The following PCDH1 variants were observed in gnomAD, a reference collection of about 807,000 sequenced individuals.
PCDH1 encodes protocadherin 1.
Under a neutral mutation model 74.6 loss-of-function variants are expected in PCDH1, and 23 were observed. The ratio of observed to expected loss-of-function variants is 0.31; its 90% confidence interval spans 0.22 to 0.44. The LOEUF (loss-of-function observed/expected upper bound fraction) is 0.44. PCDH1 is among the 20% of genes least tolerant of loss of function. The pLI is 1.00. For missense variants in PCDH1, 1,214 were observed against 1,641.4 expected (o/e 0.74, Z 4.50); for synonymous variants, 647 against 686.1 (o/e 0.94, Z 0.89).
chr5:141,856,371 CGGGAGGT>C, intron 4 of PCDH1: 1 of 52,788 alleles, frequency 1.9e-5, no homozygotes, highest in Non-Finnish European at 3.8e-5. Flanking sequence ...GACAAGGGCC[CGGGAGGT>C]TAGACAAGGG....
chr5:141,856,410 G>T, intron 4 of PCDH1: 1 of 804,832 alleles, frequency 1.2e-6, no homozygotes, highest in African/African-American at 1.7e-5. Flanking sequence ...AGGCAGGGGA[G>T]TGAAACCTCC....
At chr5:141,856,203 C>T (rs1335586520) in intron 4 of PCDH1, 2 of 1,535,412 alleles carry the variant, frequency 1.3e-6, no homozygotes, top group Admixed American at 2.0e-5. Flanking sequence ...GACCCCAGAC[C>T]CCAGAGCAGT....
intron 1 of PCDH1, among the ~76,000 whole-genome samples, chr5:141,871,530 C>T (rs1283559071): frequency 6.6e-6 from 1 of 152,204 alleles, no homozygotes; most frequent in African/African-American, 2.4e-5. Flanking sequence ...AGTTTCCTTA[C>T]CTGTAAAATG....
chr5:141,867,745 AAG>A lies in PCDH1; in HGVS notation c.903+822_903+823del, dbSNP rs953700929. 10 of 371,492 alleles carry A rather than the reference AAG, an allele frequency of 2.7e-5. No homozygotes were observed. The Admixed American group carries it at 3.0e-4, about 11-fold the overall frequency. 23.0% of individuals were successfully genotyped at this position (371,492 alleles called of 1,614,324 possible). A position where few individuals can be genotyped will look rare whatever the true frequency, so the allele number is the denominator to read the frequency against. On this transcript the variant is annotated intron_variant, in intron 2 of 4. Coordinates refer to ENST00000287008, the MANE Select transcript of PCDH1 (RefSeq NM_032420.5). ...GAGCCTCCTCAGCTCCCTCACATCA[AAG>A]AGAGAGGCATCTTCAGCCCATGGGG...
rs1470894069 is a variant in PCDH1 at position 141,865,526 on chromosome 5, C to T, written c.904-99G>A. The T allele has an allele frequency of 3.0e-6, 4 of 1,337,874 alleles. No homozygotes were observed. Among genetic ancestry groups the T allele is most frequent in the Non-Finnish European group, 4.1e-6 (4 of 971,264 alleles). The allele number at this position is 1,337,874 out of a possible 1,614,324, so 82.9% of individuals were successfully genotyped here. Reference sequence around the variant, plus strand: ...TGCTGCCAATGTCCTTTCCAACAAGCATGGCAGACACAGCCAATCCAACAT... The same window carrying T: ...TGCTGCCAATGTCCTTTCCAACAAGTATGGCAGACACAGCCAATCCAACAT... On this transcript the variant is annotated intron_variant, in intron 2 of 4. Transcript: ENST00000287008. The surrounding 1 kb of genome is among the most constrained non-coding windows in gnomAD (Gnocchi z 4.4).
intron 1 of PCDH1, among the ~76,000 whole-genome samples, chr5:141,871,778 A>C (rs1172115853): frequency 1.3e-5 from 2 of 151,972 alleles, no homozygotes; most frequent in African/African-American, 4.8e-5. Flanking sequence ...GGCACTTGGC[A>C]GCTCTTGAAT....
In PCDH1 at chr5:141,878,174, C is replaced by T. The variant is rs1348647000; in HGVS notation, c.40+49G>A. ...TCCCTCAGCTCCCGCCGGCCATGAC[C>T]GCTTCGGGCCCCAAGCCGCTGCTGC... is the stretch of plus-strand genomic sequence containing the variant. On this transcript the variant is annotated intron_variant, in intron 1 of 4. Transcript: ENST00000287008. The surrounding 1 kb of genome is among the most constrained non-coding windows in gnomAD (Gnocchi z 5.5). 10 of 1,424,632 alleles carry T rather than the reference C, an allele frequency of 7.0e-6. No homozygotes were observed. The East Asian group carries it at 2.8e-4, about 40-fold the overall frequency. 88.2% of individuals were successfully genotyped at this position (1,424,632 alleles called of 1,614,324 possible). A position where few individuals can be genotyped will look rare whatever the true frequency, so the allele number is the denominator to read the frequency against.
Position 141,869,756 on chromosome 5 carries a change from C to T in PCDH1, c.41-325G>A, listed in dbSNP as rs1388816981. ...GCTGCCCGCCCTCTTTCCTTCTTTT[C>T]CTCCTTGCTCTCTGCTCTGTGCTTC... is the stretch of plus-strand genomic sequence containing the variant. On this transcript the variant is annotated intron_variant, in intron 1 of 4. Transcript: ENST00000287008. This position sits in a 1 kb window ranked among gnomAD's most constrained non-coding sequence, Gnocchi z 4.9. The T allele has an allele frequency of 1.0e-6, 1 of 985,338 alleles. No individual in the cohort carries two copies. The highest frequency in any genetic ancestry group is 4.7e-5 in the South Asian group (1 of 21,294). The allele number at this position is 985,338 out of a possible 1,614,324, so 61.0% of individuals were successfully genotyped here.
At chr5:141,866,371 C>T (rs76592222) in intron 2 of PCDH1, among the ~76,000 whole-genome samples, 226 of 152,358 alleles carry the variant, frequency 1.5e-3, no homozygotes, top group African/African-American at 5.1e-3. Flanking sequence ...TCAGCGGGCA[C>T]ACCCTCCCAC....
In PCDH1 at chr5:141,868,558, G is replaced by T. The variant is rs1466933108; in HGVS notation, c.903+11C>A. 6.6e-7 allele frequency: 1 copy of T among 1,523,026 alleles called. No individual in the cohort carries two copies. Among genetic ancestry groups the T allele is most frequent in the Non-Finnish European group, 8.8e-7 (1 of 1,136,884 alleles). 94.3% of individuals were successfully genotyped at this position (1,523,026 alleles called of 1,614,324 possible). A position where few individuals can be genotyped will look rare whatever the true frequency, so the allele number is the denominator to read the frequency against. ...GGTCACCCTGACAGTTATACGGAGG[G>T]GGCCTCTCACCTGGATGACCGAGTG... On this transcript the variant is annotated intron_variant, in intron 2 of 4. Coordinates refer to ENST00000287008, the MANE Select transcript of PCDH1 (RefSeq NM_032420.5). This position sits in a 1 kb window ranked among gnomAD's most constrained non-coding sequence, Gnocchi z 4.8.
At chr5:141,877,574 G>T (rs1398283196) in intron 1 of PCDH1, among the ~76,000 whole-genome samples, 1 of 152,178 alleles carries the variant, frequency 6.6e-6, no homozygotes, top group African/African-American at 2.4e-5. Flanking sequence ...GTCACACCCG[G>T]TTGTGTTATT....
intron 2 of PCDH1, chr5:141,866,069 C>T (rs931843689): frequency 1.0e-6 from 1 of 985,530 alleles, no homozygotes; most frequent in African/African-American, 1.7e-5. Context: ...AGTAAAGACT[C>T]ACATGCCCAT....
rs919496148 is a variant in PCDH1, at chr5:141,864,881, G to T, written c.1450C>A (p.Pro484Thr). ...AGGGAGTTAGTGCTGGAGAGTGGGGGGTTGCCAGAGTCCACAGCCACAATC... is the reference window on the plus strand; with the variant it reads ...AGGGAGTTAGTGCTGGAGAGTGGGGTGTTGCCAGAGTCCACAGCCACAATC... ...IEIVAVDSGN[P>T]PLSSTNSLKV... The change falls in exon 3 of 5, where the codon CCC becomes ACC. Residue 484 changes from proline (P) to threonine (T), a missense_variant. By Grantham distance (38) the Pro-to-Thr change is conservative. Coordinates refer to ENST00000287008, the MANE Select transcript of PCDH1 (RefSeq NM_032420.5). This position sits in a 1 kb window ranked among gnomAD's most constrained non-coding sequence, Gnocchi z 5.9. 2 of 1,614,140 alleles carry T rather than the reference G, an allele frequency of 1.2e-6. No individual in the cohort carries two copies. The highest frequency in any genetic ancestry group is 1.1e-5 in the South Asian group (1 of 91,072).
chr5:141,861,225 C>T (rs1038931154), intron 3 of PCDH1, among the ~76,000 whole-genome samples: 1 of 151,498 alleles, frequency 6.6e-6, no homozygotes, highest in African/African-American at 2.4e-5. Flanking sequence ...ACTCAAGACA[C>T]TCAATTGCCT....
chr5:141,867,495 T>C, intron 2 of PCDH1: 1 of 433,822 alleles, frequency 2.3e-6, no homozygotes, highest in South Asian at 1.7e-5. Flanking sequence ...TTAAATGATA[T>C]AATACACATC....
In PCDH1 at chr5:141,869,289, C is replaced by T; in HGVS notation, c.183G>A (p.Val61=). Reference sequence around the variant, plus strand: ...GTGGCTGTTCCTCCGGCACCTTGTACACTACCCGAGTGGCGTGGCCTGGGG... The same window carrying T: ...GTGGCTGTTCCTCCGGCACCTTGTATACTACCCGAGTGGCGTGGCCTGGGG... ...APSPGHATRV[V]YKVPEEQPPN... Residue 61 remains valine, a synonymous_variant, in exon 2 of 5, where the codon GTG becomes GTA. Transcript: ENST00000287008. This position sits in a 1 kb window ranked among gnomAD's most constrained non-coding sequence, Gnocchi z 4.9. 2 of 1,606,952 alleles carry T rather than the reference C, an allele frequency of 1.2e-6. No individual in the cohort carries two copies. Among genetic ancestry groups the T allele is most frequent in the Non-Finnish European group, 1.7e-6 (2 of 1,176,926 alleles).
rs1359091179 is a variant in PCDH1, at chr5:141,864,293, T to A, written c.2038A>T (p.Thr680Ser). The change falls in exon 3 of 5, where the codon ACC becomes TCC. Residue 680 changes from threonine to serine, a missense_variant. By Grantham distance (58) the Thr-to-Ser change is moderately conservative (BLOSUM62 1). This residue lies in a region of PCDH1 where 836 missense variants were observed against 1,182.2 expected (regional missense o/e 0.71). Coordinates refer to ENST00000287008, the MANE Select transcript of PCDH1 (RefSeq NM_032420.5). This position sits in a 1 kb window ranked among gnomAD's most constrained non-coding sequence, Gnocchi z 5.9. ...ACTGCCTTCAGCTGGAAGGTGTAGG[T>A]GCTTTGTTGCTCTCGATCAAAGCTC... ...SLSFDREQQS[T>S]YTFQLKAVDG... 1 of 1,614,002 alleles carries A rather than the reference T, an allele frequency of 6.2e-7. No homozygotes were observed. The highest frequency in any genetic ancestry group is 1.1e-5 in the South Asian group (1 of 91,088).
Position 141,864,883 on chromosome 5 carries a change from T to G in PCDH1, c.1448A>C (p.Asn483Thr). 2 of 1,613,932 alleles carry G rather than the reference T, an allele frequency of 1.2e-6. No individual in the cohort carries two copies. The highest frequency in any genetic ancestry group is 8.5e-7 in the Non-Finnish European group (1 of 1,180,000). The change falls in exon 3 of 5, where the codon AAC becomes ACC. Residue 483 changes from asparagine (N) to threonine (T), a missense_variant. Physicochemically the swap from Asn to Thr is moderately conservative, Grantham distance 65 (BLOSUM62 0). Around this residue, in one of 4 missense-constraint regions of PCDH1, gnomAD observed 836 missense variants for 1,182.2 expected, o/e 0.71. Coordinates refer to ENST00000287008, the MANE Select transcript of PCDH1 (RefSeq NM_032420.5). The surrounding 1 kb of genome is among the most constrained non-coding windows in gnomAD (Gnocchi z 5.9). ...TIEIVAVDSGNPPLSSTNSLK... is the reference protein window; with the variant it reads ...TIEIVAVDSGTPPLSSTNSLK... ...GGAGTTAGTGCTGGAGAGTGGGGGG[T>G]TGCCAGAGTCCACAGCCACAATCTC...
At position 141,863,948 on chromosome 5, in the gene PCDH1, T is replaced by A; in HGVS notation, c.2383A>T (p.Ser795Cys). ...HGLHRLVVKV[S>C]DRGKPPRYGT... Reference sequence around the variant, plus strand: ...TAGCGTGGGGGCTTGCCGCGGTCACTGACCTTCACCACCAGGCGGTGTAGC... The same window carrying A: ...TAGCGTGGGGGCTTGCCGCGGTCACAGACCTTCACCACCAGGCGGTGTAGC... Residue 795 changes from serine (S) to cysteine (C), a missense_variant, in exon 3 of 5, where the codon AGT becomes TGT. This residue lies in a region of PCDH1 where 836 missense variants were observed against 1,182.2 expected (regional missense o/e 0.71). Coordinates refer to ENST00000287008, the MANE Select transcript of PCDH1 (RefSeq NM_032420.5). The surrounding 1 kb of genome is among the most constrained non-coding windows in gnomAD (Gnocchi z 7.5). The A allele has an allele frequency of 6.2e-7, 1 of 1,614,154 alleles. No individual in the cohort carries two copies. Among genetic ancestry groups the A allele is most frequent in the Non-Finnish European group, 8.5e-7 (1 of 1,180,040 alleles).
Sources: allele counts gnomAD v4.1 joint callset (sites outside exome capture counted in the v4.1 genomes callset), GRCh38; gene constraint gnomAD v4.1.1; regional missense constraint gnomAD v4.1.1; non-coding constraint Gnocchi (gnomAD v3.1); transcripts MANE v1.5; gene names NCBI Gene and HGNC (gene_info 2026-07-23, HGNC 2026-07-21).